Variants in PDGFD observed in about 807,000 individuals in gnomAD.
The protein encoded by PDGFD is platelet derived growth factor D.
A neutral mutation model predicts 44.7 loss-of-function variants in PDGFD; 30 were observed. That is an observed-to-expected ratio of 0.67 (90% CI 0.50 to 0.91). The LOEUF is 0.91. Among genes scored for constraint, PDGFD ranks in the 40% least tolerant of loss-of-function variants. PDGFD has a pLI of 0.00. For missense variants in PDGFD, 445 were observed against 457.8 expected, an observed-to-expected ratio of 0.97 and a Z score of 0.25; for synonymous variants, 173 against 168.4, an observed-to-expected ratio of 1.03 and a Z score of -0.21.
At chr11:104,110,072 C>T (rs1052937544) in intron 1 of PDGFD, among the ~76,000 whole-genome samples, 4 of 152,012 alleles carry the variant, frequency 2.6e-5, no homozygotes, top group African/African-American at 9.7e-5. Flanking sequence ...AAAAATAAAG[C>T]ATTATGAACC....
chr11:104,029,906 C>T (rs542275858), intron 1 of PDGFD, among the ~76,000 whole-genome samples: 10 of 152,264 alleles, frequency 6.6e-5, no homozygotes, highest in African/African-American at 2.4e-4. Context: ...CCACTAATTA[C>T]AGGCCGAACA....
At chr11:104,133,786 A>G (rs915969677) in intron 1 of PDGFD, among the ~76,000 whole-genome samples, 1 of 152,200 alleles carries the variant, frequency 6.6e-6, no homozygotes, top group African/African-American at 2.4e-5. Context: ...CAATTAAAAC[A>G]ATAACAAGAA....
At chr11:104,003,232 T>C (rs79005481) in intron 1 of PDGFD, among the ~76,000 whole-genome samples, 1 of 152,228 alleles carries the variant, frequency 6.6e-6, no homozygotes, top group Non-Finnish European at 1.5e-5. Context: ...TGTGTACATA[T>C]GATCCTTGCA....
chr11:104,124,201 C>T (rs1427523199), intron 1 of PDGFD, among the ~76,000 whole-genome samples: 1 of 151,906 alleles, frequency 6.6e-6, no homozygotes, highest in African/African-American at 2.4e-5. Flanking sequence ...AAACAGAATT[C>T]TGAAGAAAAG....
chr11:104,158,850 G>A (rs1054000758), intron 1 of PDGFD, among the ~76,000 whole-genome samples: 1 of 151,090 alleles, frequency 6.6e-6, no homozygotes, highest in African/African-American at 2.4e-5. Flanking sequence ...GTTAGCAGTA[G>A]AAGTTATGAT....
intron 3 of PDGFD, among the ~76,000 whole-genome samples, chr11:103,955,488 A>G (rs1171640731): frequency 6.6e-6 from 1 of 152,242 alleles, no homozygotes; most frequent in Non-Finnish European, 1.5e-5. Context: ...AAAAATTAAA[A>G]ACCCTTAGAA....
chr11:104,052,613 CGT>C (rs1379874522), intron 1 of PDGFD, among the ~76,000 whole-genome samples: 1 of 151,926 alleles, frequency 6.6e-6, no homozygotes, highest in Non-Finnish European at 1.5e-5. Context: ...TATTTTTTGG[CGT>C]GTGTTTGCTT....
intron 1 of PDGFD, among the ~76,000 whole-genome samples, chr11:104,105,411 C>T (rs1861457491): frequency 6.6e-6 from 1 of 151,992 alleles, no homozygotes; most frequent in African/African-American, 2.4e-5. Context: ...AGTCACCTCA[C>T]TTAGATGAAG....
chr11:103,994,681 T>C (rs1375922074), intron 3 of PDGFD, among the ~76,000 whole-genome samples: 1 of 152,168 alleles, frequency 6.6e-6, no homozygotes, highest in Non-Finnish European at 1.5e-5. Context: ...TATTTTGGCA[T>C]TCACACTTGG....
rs768868079 is a variant in PDGFD at position 103,927,142 on chromosome 11, T to G, written c.773-16A>C. On this transcript the variant is annotated splice_polypyrimidine_tract_variant and intron_variant, in intron 5 of 6. Transcript: ENST00000393158. ...TCCAGGTCAACTGTAAGCAAATACA[T>G]GCACTGTGTAAGCAAACACAACAGT... The G allele has an allele frequency of 1.2e-6, 2 of 1,608,016 alleles. No homozygotes were observed. Among genetic ancestry groups the G allele is most frequent in the Non-Finnish European group, 1.7e-6 (2 of 1,174,730 alleles).
chr11:104,098,733 C>G (rs2134442945), intron 1 of PDGFD, among the ~76,000 whole-genome samples: 1 of 152,170 alleles, frequency 6.6e-6, no homozygotes, highest in South Asian at 2.1e-4. Flanking sequence ...ACAGGCTGGT[C>G]TCAAATTTCT....
chr11:103,934,078 C>T (rs1267303636), intron 5 of PDGFD, among the ~76,000 whole-genome samples: 1 of 152,198 alleles, frequency 6.6e-6, no homozygotes, highest in Non-Finnish European at 1.5e-5. Flanking sequence ...CATTGAGTTG[C>T]TCACAGCATG....
chr11:103,937,212 T>A (rs1858502907), intron 5 of PDGFD, among the ~76,000 whole-genome samples: 1 of 152,224 alleles, frequency 6.6e-6, no homozygotes, highest in Non-Finnish European at 1.5e-5. Flanking sequence ...TATATTTTAA[T>A]TATTAATTTA....
chr11:104,075,699 T>C (rs1287811911), intron 1 of PDGFD, among the ~76,000 whole-genome samples: 1 of 152,080 alleles, frequency 6.6e-6, no homozygotes, highest in Non-Finnish European at 1.5e-5. Flanking sequence ...TACCTCCTAG[T>C]TATCTGCAAC....
At chr11:104,044,024 C>G (rs190057550) in intron 1 of PDGFD, among the ~76,000 whole-genome samples, 2 of 152,302 alleles carry the variant, frequency 1.3e-5, no homozygotes, top group Non-Finnish European at 1.5e-5. Flanking sequence ...AATAGGCGAA[C>G]AACCAGCGAA....
chr11:103,909,819 C>A lies in PDGFD; in HGVS notation c.988G>T (p.Val330Leu). Residue 330 changes from valine to leucine, a missense_variant and splice_region_variant, in exon 7 of 7, where the codon GTA becomes TTA. By Grantham distance (32) the Val-to-Leu change is conservative. Coordinates refer to ENST00000393158, the MANE Select transcript of PDGFD (RefSeq NM_025208.5). ...SGKTVKKYHE[V>L]LQFEPGHIKR... ...ATGTGGCCAGGCTCAAACTGTAATA[C>A]CTAGGACAAGAAGCACATCTCCTGT... 1.2e-6 allele frequency: 2 copies of A among 1,614,140 alleles called. No individual in the cohort carries two copies. Among genetic ancestry groups the A allele is most frequent in the Non-Finnish European group, 1.7e-6 (2 of 1,179,998 alleles).
At chr11:103,935,978 C>A (rs1170605986) in intron 5 of PDGFD, among the ~76,000 whole-genome samples, 2 of 152,110 alleles carry the variant, frequency 1.3e-5, no homozygotes, top group Non-Finnish European at 2.9e-5. Context: ...ATTGCAACGT[C>A]CTTCTTTCTT....
At chr11:103,913,249 A>C (rs1387627907) in intron 6 of PDGFD, among the ~76,000 whole-genome samples, 1 of 152,220 alleles carries the variant, frequency 6.6e-6, no homozygotes, top group Non-Finnish European at 1.5e-5. Flanking sequence ...ATGTAATTTT[A>C]AGTAAAACAC....
chr11:104,022,934 G>T lies in PDGFD; in HGVS notation c.125-22679C>A, dbSNP rs555532680. ...TAAAATTTGTTTTTTTTCCTGAAAG[G>T]TTTATTGTTTGCACTTCTAGATAGT... On this transcript the variant is annotated intron_variant, in intron 1 of 6. Coordinates refer to ENST00000393158, the MANE Select transcript of PDGFD (RefSeq NM_025208.5). Among the ~76,000 whole-genome samples, 16 of 152,020 alleles carry T rather than the reference G, an allele frequency of 1.1e-4. No individual in the cohort carries two copies. In the East Asian group the frequency reaches 3.1e-3, roughly 29 times the overall value.
Sources: allele counts gnomAD v4.1 joint callset (sites outside exome capture counted in the v4.1 genomes callset), GRCh38; gene constraint gnomAD v4.1.1; transcripts MANE v1.5; gene names NCBI Gene and HGNC (gene_info 2026-07-23, HGNC 2026-07-21).